HMOX2: variants seen among roughly 807,000 people sequenced by gnomAD.
The protein encoded by HMOX2 is heme oxygenase (decycling) 2.
In HMOX2, 30 loss-of-function variants were observed where a neutral mutation model predicts 33.7. The ratio of observed to expected loss-of-function variants is 0.89; its 90% confidence interval spans 0.67 to 1.21. HMOX2 has a LOEUF of 1.21. HMOX2 is among the 50% of genes most tolerant of loss of function. HMOX2 has a pLI of 0.00. For missense variants in HMOX2, 403 were observed against 399.1 expected (o/e 1.01, Z -0.08); for synonymous variants, 155 against 155.0 (o/e 1.00, Z 0.00).
At chr16:4,500,810 T>G (rs1422847352) in intron 1 of HMOX2, among the ~76,000 whole-genome samples, 3 of 152,326 alleles carry the variant, frequency 2.0e-5, no homozygotes, top group African/African-American at 7.2e-5. Flanking sequence ...CTGGATCTGC[T>G]GAGCTGGTCT....
intron 1 of HMOX2, among the ~76,000 whole-genome samples, chr16:4,480,090 C>G (rs1253223597): frequency 1.3e-5 from 2 of 151,700 alleles, no homozygotes; most frequent in African/African-American, 4.8e-5. Context: ...CTCTTTCACC[C>G]AGGCTGGAGT....
At chr16:4,508,260 A>G in intron 4 of HMOX2, 56 bp downstream of exon 4, 1 of 1,543,482 alleles carries the variant, frequency 6.5e-7, no homozygotes, top group Non-Finnish European at 8.8e-7. Flanking sequence ...TGACAGTGGT[A>G]GCAGATCCAT....
At chr16:4,481,881 TGGAGGAGGGCAGGAG>T (rs2058041276) in intron 1 of HMOX2, 1 of 152,394 alleles carries the variant, frequency 6.6e-6, no homozygotes, top group Admixed American at 6.5e-5. Flanking sequence ...TGTGGCAGTC[TGGAGGAGGGCAGGAG>T]GGAGAAGGGA....
At chr16:4,490,775 G>A (rs539422927) in intron 1 of HMOX2, among the ~76,000 whole-genome samples, 10 of 152,260 alleles carry the variant, frequency 6.6e-5, no homozygotes, top group East Asian at 5.8e-4. Flanking sequence ...TAACAATCTC[G>A]TCTCTGTAAA....
chr16:4,491,154 T>C (rs907468788), intron 1 of HMOX2, among the ~76,000 whole-genome samples: 2 of 152,182 alleles, frequency 1.3e-5, no homozygotes, highest in African/African-American at 4.8e-5. Context: ...GCAAATCAGA[T>C]TTGTCACAGG....
intron 1 of HMOX2, among the ~76,000 whole-genome samples, chr16:4,482,317 G>T (rs2058051339): frequency 6.6e-6 from 1 of 152,132 alleles, no homozygotes; most frequent in Non-Finnish European, 1.5e-5. Flanking sequence ...GTCTTTGCTT[G>T]TGGCTCTTCT....
intron 1 of HMOX2, among the ~76,000 whole-genome samples, chr16:4,494,982 G>C (rs1047045262): frequency 6.6e-6 from 1 of 152,110 alleles, no homozygotes; most frequent in Non-Finnish European, 1.5e-5. Context: ...GACCAGTCTC[G>C]GTTTGATTGG....
intron 1 of HMOX2, among the ~76,000 whole-genome samples, chr16:4,485,796 C>G (rs1567383217): frequency 6.6e-6 from 1 of 152,160 alleles, no homozygotes; most frequent in Admixed American, 6.6e-5. Context: ...TTGATCTCGG[C>G]TCACTGCAAC....
At chr16:4,488,871 C>T (rs2058240030) in intron 1 of HMOX2, 1 of 148,666 alleles carries the variant, frequency 6.7e-6, no homozygotes, top group Non-Finnish European at 1.5e-5. Flanking sequence ...GTCACCCAGG[C>T]TGGAGTGCAG....
intron 1 of HMOX2, among the ~76,000 whole-genome samples, chr16:4,482,142 A>G (rs1261111809): frequency 6.6e-6 from 1 of 152,140 alleles, no homozygotes; most frequent in East Asian, 1.9e-4. Flanking sequence ...CCTCTACCAT[A>G]TACTTGAGAA....
At chr16:4,502,803 C>T (rs1021370451) in intron 1 of HMOX2, 2 of 152,278 alleles carry the variant, frequency 1.3e-5, no homozygotes, top group African/African-American at 2.4e-5. Context: ...ACTGCAACCT[C>T]TGTCTCCCAG....
At chr16:4,483,971 A>AT (rs2058098160) in intron 1 of HMOX2, among the ~76,000 whole-genome samples, 1 of 109,692 alleles carries the variant, frequency 9.1e-6, no homozygotes, top group Admixed American at 1.0e-4. Flanking sequence ...ATATGCCCAA[A>AT]AATTTTTTTT....
rs534899894 is a variant in HMOX2 at position 4,509,281 on chromosome 16, A to G, written c.697-131A>G. ...CTTGAGCCTAGGAGTTTGAGGCTGC[A>G]GTGAGTTAGCCATGTTCATAACACT... On this transcript the variant is annotated intron_variant, in intron 4 of 5. Coordinates refer to ENST00000570646, the MANE Select transcript of HMOX2 (RefSeq NM_002134.4). 8 of 1,165,686 alleles carry G rather than the reference A, an allele frequency of 6.9e-6. No homozygotes were observed. In the Admixed American group the frequency reaches 1.4e-4, roughly 20 times the overall value. 72.2% of individuals were successfully genotyped at this position (1,165,686 alleles called of 1,614,324 possible).
At chr16:4,494,439 C>G (rs1372339470) in intron 1 of HMOX2, among the ~76,000 whole-genome samples, 1 of 152,118 alleles carries the variant, frequency 6.6e-6, no homozygotes, top group East Asian at 1.9e-4. Context: ...GCTGGAGTGT[C>G]TAGAAAGCTT....
intron 1 of HMOX2, among the ~76,000 whole-genome samples, chr16:4,490,731 G>T (rs561826805): frequency 2.1e-4 from 32 of 152,286 alleles, no homozygotes; most frequent in African/African-American, 7.5e-4. Context: ...AGTTTCCTCA[G>T]AAATCTATAT....
At chr16:4,483,137 A>G (rs1336111518) in intron 1 of HMOX2, among the ~76,000 whole-genome samples, 2 of 149,866 alleles carry the variant, frequency 1.3e-5, no homozygotes, top group Non-Finnish European at 1.5e-5. Context: ...GTATTCAGCT[A>G]TCCTGAAGCT....
chr16:4,490,042 T>C (rs189525745), intron 1 of HMOX2, among the ~76,000 whole-genome samples: 118 of 152,314 alleles, frequency 7.7e-4, no homozygotes, highest in African/African-American at 2.7e-3. Flanking sequence ...TGGTGTGTAA[T>C]TGGGCAGTAG....
intron 1 of HMOX2, among the ~76,000 whole-genome samples, chr16:4,487,772 A>G (rs1198426280): frequency 3.5e-5 from 5 of 144,666 alleles, no homozygotes; most frequent in African/African-American, 1.3e-4. Flanking sequence ...TGGGAGACAG[A>G]GCGAGACTCC....
chr16:4,493,252 C>G (rs1481546333), intron 1 of HMOX2, among the ~76,000 whole-genome samples: 1 of 152,120 alleles, frequency 6.6e-6, no homozygotes, highest in Non-Finnish European at 1.5e-5. Flanking sequence ...GATGGGGTCT[C>G]CCTGTGTTGC....
Sources: gnomAD v4.1 joint callset for allele counts (sites outside exome capture counted in the v4.1 genomes callset) on GRCh38, gnomAD v4.1.1 for gene constraint, MANE v1.5 for transcripts, NCBI Gene and HGNC (gene_info 2026-07-23, HGNC 2026-07-21) for gene names.